CEMIP: variants seen among roughly 807,000 people sequenced by gnomAD.
CEMIP encodes cell migration inducing hyaluronidase 1.
A neutral mutation model predicts 156.9 loss-of-function variants in CEMIP; 105 were observed. That is an observed-to-expected ratio of 0.67 (90% confidence interval 0.57 to 0.79). The LOEUF is 0.79. Ranked by LOEUF, CEMIP falls within the 30% of genes least tolerant of loss-of-function variation. The probability of loss-of-function intolerance (pLI) is 0.00; values close to 1 mark genes in which losing one functional copy is unlikely to be tolerated. For synonymous variants in CEMIP, 676 were observed against 668.4 expected (o/e 1.01, Z -0.17); for missense variants, 1,457 against 1,769.4 (o/e 0.82, Z 3.17).
At chr15:80,814,989 G>A (rs910698407) in intron 1 of CEMIP, among the ~76,000 whole-genome samples, 1 of 152,142 alleles carries the variant, frequency 6.6e-6, no homozygotes, top group Non-Finnish European at 1.5e-5. Context: ...CCAGCCCAAC[G>A]GTTGCACTTT....
chr15:80,845,931 T>G (rs1897543760), intron 1 of CEMIP, among the ~76,000 whole-genome samples: 1 of 152,112 alleles, frequency 6.6e-6, no homozygotes, highest in Non-Finnish European at 1.5e-5. Context: ...TCTAGGAGAC[T>G]CCTCCTGACA....
At chr15:80,783,786 C>T (rs1895856906) in intron 1 of CEMIP, among the ~76,000 whole-genome samples, 1 of 152,210 alleles carries the variant, frequency 6.6e-6, no homozygotes, top group South Asian at 2.1e-4. Context: ...TGCCCTGGCA[C>T]CAGGCTTTGT....
intron 17 of CEMIP, among the ~76,000 whole-genome samples, chr15:80,922,493 C>A (rs1403204184): frequency 2.6e-5 from 4 of 152,198 alleles, no homozygotes; most frequent in African/African-American, 9.7e-5. Flanking sequence ...GGTGTAGCCT[C>A]AACTATGAAA....
chr15:80,928,999 T>C lies in CEMIP; in HGVS notation c.2457-20T>C. The C allele has an allele frequency of 6.2e-7, 1 of 1,614,240 alleles. No individual in the cohort carries two copies. Among genetic ancestry groups the C allele is most frequent in the Non-Finnish European group, 8.5e-7 (1 of 1,180,050 alleles). ...GATCTTGTCTCTGGGCATCTCACCT[T>C]AAACATCTTCTCTCTACAGTGGTGG... On this transcript the variant is annotated intron_variant, in intron 20 of 29. Coordinates refer to ENST00000394685, the MANE Select transcript of CEMIP (RefSeq NM_001293298.2).
At chr15:80,918,453 G>A (rs546857856) in intron 14 of CEMIP, among the ~76,000 whole-genome samples, 1 of 152,152 alleles carries the variant, frequency 6.6e-6, no homozygotes, top group African/African-American at 2.4e-5. Flanking sequence ...GCATCTAATA[G>A]GTAGAGGCCA....
chr15:80,839,279 C>T (rs988064122), intron 1 of CEMIP, among the ~76,000 whole-genome samples: 1 of 102,702 alleles, frequency 9.7e-6, no homozygotes, highest in African/African-American at 6.2e-5. Flanking sequence ...GCTGTGGAGT[C>T]AAGGCCGTGA....
chr15:80,895,967 G>T lies in CEMIP; in HGVS notation c.1318G>T (p.Val440Phe), dbSNP rs2141860733. ...VQSWKPGDTLVIASTDYSMYQ... is the reference protein window; with the variant it reads ...VQSWKPGDTLFIASTDYSMYQ... ...GTCATGGAAACCTGGAGATACCCTG[G>T]TCATTGCCAGTACTGATTACTCCAT... Residue 440 changes from valine to phenylalanine, a missense_variant, in exon 12 of 30, where the codon GTC (valine) becomes TTC (phenylalanine). By Grantham distance (50) the Val-to-Phe change is conservative. Transcript: ENST00000394685. The T allele has an allele frequency of 6.2e-7, 1 of 1,614,154 alleles. No individual in the cohort carries two copies. Among genetic ancestry groups the T allele is most frequent in the Middle Eastern group, 1.6e-4 (1 of 6,062 alleles).
chr15:80,801,279 T>C (rs1028706199), intron 1 of CEMIP, among the ~76,000 whole-genome samples: 3 of 152,204 alleles, frequency 2.0e-5, no homozygotes, highest in African/African-American at 4.8e-5. Flanking sequence ...GCTTGGCTAA[T>C]CTCAACTCTG....
In CEMIP at chr15:80,900,630, G is replaced by C. The variant is rs868082296; in HGVS notation, c.1411+4570G>C. On this transcript the variant is annotated intron_variant, in intron 12 of 29. Transcript: ENST00000394685. ...TGTGTGTGTGTGTGTGTGTGTGTGT[G>C]TGTGTGTGTGTGTGTGTGTCTGTGT... 1.1e-3 allele frequency among the ~76,000 whole-genome samples: 137 copies of C among 129,492 alleles called. 1 individual carries two copies. The highest frequency in any genetic ancestry group is 4.0e-3 in the Middle Eastern group (1 of 248). The allele number at this position is 129,492 out of a possible 152,430, so 85.0% of individuals were successfully genotyped here. A position where few individuals can be genotyped will look rare whatever the true frequency, so the allele number is the denominator to read the frequency against.
intron 1 of CEMIP, among the ~76,000 whole-genome samples, chr15:80,813,820 T>G (rs897147836): frequency 6.6e-6 from 1 of 152,170 alleles, no homozygotes; most frequent in Non-Finnish European, 1.5e-5. Flanking sequence ...CAAGTAAGAC[T>G]TAATATTTAT....
At chr15:80,933,702 G>A (rs146153751) in intron 23 of CEMIP, among the ~76,000 whole-genome samples, 3 of 152,242 alleles carry the variant, frequency 2.0e-5, no homozygotes, top group African/African-American at 4.8e-5. Context: ...CAACTGCTTC[G>A]ATTCAAGTCA....
intron 1 of CEMIP, among the ~76,000 whole-genome samples, chr15:80,837,532 C>T (rs1357671672): frequency 6.6e-6 from 1 of 152,204 alleles, no homozygotes; most frequent in African/African-American, 2.4e-5. Context: ...CAGAAACATA[C>T]AGTCAAAACT....
At chr15:80,940,176 G>A (rs897967857) in intron 25 of CEMIP, among the ~76,000 whole-genome samples, 2 of 152,200 alleles carry the variant, frequency 1.3e-5, no homozygotes, top group Non-Finnish European at 2.9e-5. Flanking sequence ...TGAGCACTGG[G>A]CTGGCAGATG....
In CEMIP at chr15:80,920,218, C is replaced by T. The variant is rs756591680; in HGVS notation, c.1922C>T (p.Ser641Leu). Residue 641 changes from serine to leucine, a missense_variant, in exon 15 of 30, where the codon TCG (serine) becomes TTG (leucine). Physicochemically the swap from Ser to Leu is moderately radical, Grantham distance 145. Transcript: ENST00000394685. ...LLVKSGTLLP[S>L]DRDSKMCKMI... is the part of the protein sequence containing the mutation. Reference sequence around the variant, plus strand: ...GTCAAGTCTGGAACCCTCCTCCCCTCGGACCGTGACAGCAAGATGTGCAAG... The same window carrying T: ...GTCAAGTCTGGAACCCTCCTCCCCTTGGACCGTGACAGCAAGATGTGCAAG... The T allele has an allele frequency of 1.1e-5, 17 of 1,614,206 alleles. No individual in the cohort carries two copies. Among genetic ancestry groups the T allele is most frequent in the East Asian group, 4.5e-5 (2 of 44,878 alleles).
Position 80,896,042 on chromosome 15 carries a change from A to C in CEMIP, c.1393A>C (p.Asn465His), listed in dbSNP as rs1465941880. The change falls in exon 12 of 30, where the codon AAC becomes CAC. Residue 465 changes from asparagine (N) to histidine (H), a missense_variant. Around this residue, in one of 5 missense-constraint regions of CEMIP, gnomAD observed 280 missense variants for 300.3 expected, o/e 0.93. Coordinates refer to ENST00000394685, the MANE Select transcript of CEMIP (RefSeq NM_001293298.2). ...GCTTCCCTGCAGATCCTGCGCCCCC[A>C]ACCAGGTCAAAGTGGCAGGTAGGAC... is the stretch of plus-strand genomic sequence containing the variant. The part of the protein sequence containing the change: ...QVLPCRSCAP[N>H]QVKVAGKPMY... The C allele has an allele frequency of 1.2e-6, 2 of 1,614,046 alleles. No homozygotes were observed. Among genetic ancestry groups the C allele is most frequent in the Non-Finnish European group, 1.7e-6 (2 of 1,180,022 alleles).
At chr15:80,804,949 T>G (rs963037245) in intron 1 of CEMIP, among the ~76,000 whole-genome samples, 2 of 152,166 alleles carry the variant, frequency 1.3e-5, no homozygotes, top group South Asian at 2.1e-4. Context: ...CCTGAATTTC[T>G]AGAAGATCCA....
intron 24 of CEMIP, 32 bp downstream of exon 24, chr15:80,936,917 T>C (rs1689886104): frequency 6.3e-7 from 1 of 1,598,592 alleles, no homozygotes; most frequent in Non-Finnish European, 8.6e-7. Context: ...AGCAGTGAGC[T>C]CAAAGCTGAT....
chr15:80,848,568 G>A (rs1897620496), intron 1 of CEMIP, among the ~76,000 whole-genome samples: 1 of 152,156 alleles, frequency 6.6e-6, no homozygotes. Context: ...AGTTCACATC[G>A]TCCCATTTAT....
chr15:80,927,083 C>A (rs550412078), intron 19 of CEMIP, among the ~76,000 whole-genome samples: 3 of 152,360 alleles, frequency 2.0e-5, no homozygotes, highest in East Asian at 3.9e-4. Context: ...CCCGCCTTGG[C>A]CTCCCAAAGT....
Sources: allele counts gnomAD v4.1 joint callset (sites outside exome capture counted in the v4.1 genomes callset), GRCh38; gene constraint gnomAD v4.1.1; regional missense constraint gnomAD v4.1.1; transcripts MANE v1.5; gene names NCBI Gene and HGNC (gene_info 2026-07-23, HGNC 2026-07-21).